DACH2: variants seen among roughly 807,000 people sequenced by gnomAD.
DACH2 encodes the protein dachshund homolog 2.
A neutral mutation model predicts 35.8 loss-of-function variants in DACH2; 17 were observed. The ratio of observed to expected loss-of-function variants is 0.48; its 90% CI spans 0.33 to 0.71. The LOEUF (loss-of-function observed/expected upper bound fraction) is 0.71. Ranked by LOEUF, DACH2 falls within the 30% of genes least tolerant of loss-of-function variation. The pLI is 0.02. For missense variants in DACH2, 469 were observed against 472.7 expected, an observed-to-expected ratio of 0.99 and a Z score of 0.07; for synonymous variants, 195 against 177.3, an observed-to-expected ratio of 1.10 and a Z score of -0.79.
intron 2 of DACH2, among the ~76,000 whole-genome samples, chrX:86,456,767 A>C (rs1387494705): frequency 9.0e-6 from 1 of 110,631 alleles, no homozygotes; most frequent in Non-Finnish European, 1.9e-5. Context: ...ATCTACTGGC[A>C]ACAATTGCCC....
intron 2 of DACH2, among the ~76,000 whole-genome samples, chrX:86,500,645 C>A (rs1168150424): frequency 2.7e-5 from 3 of 111,434 alleles, no homozygotes; most frequent in East Asian, 5.6e-4. Context: ...TGATTAATCA[C>A]CAATTTTAGA....
At chrX:86,494,777 A>G (rs2037521050) in intron 2 of DACH2, among the ~76,000 whole-genome samples, 2 of 112,346 alleles carry the variant, frequency 1.8e-5, no homozygotes, top group Admixed American at 9.4e-5. Flanking sequence ...GAAACTTAAA[A>G]ACCAAAATTA....
intron 2 of DACH2, among the ~76,000 whole-genome samples, chrX:86,479,272 G>A (rs1045214161): frequency 9.0e-6 from 1 of 110,807 alleles, no homozygotes; most frequent in Non-Finnish European, 1.9e-5. Context: ...GGGGCATGGC[G>A]GGCCAGCGTG....
At chrX:86,226,515 C>G (rs1342085593) in intron 1 of DACH2, among the ~76,000 whole-genome samples, 1 of 111,645 alleles carries the variant, frequency 9.0e-6, no homozygotes, top group Non-Finnish European at 1.9e-5. Flanking sequence ...AAATTATACT[C>G]TCTGATCTAG....
intron 3 of DACH2, among the ~76,000 whole-genome samples, chrX:86,567,422 C>A: frequency 9.0e-6 from 1 of 110,829 alleles, no homozygotes; most frequent in Non-Finnish European, 1.9e-5. Context: ...TGAAGAGTGT[C>A]TGGAGCTTGG....
At chrX:86,601,973 A>G (rs937102185) in intron 3 of DACH2, among the ~76,000 whole-genome samples, 4 of 112,332 alleles carry the variant, frequency 3.6e-5, no homozygotes, top group African/African-American at 1.3e-4. Context: ...TCACCACAAA[A>G]ATAAACATAA....
chrX:86,346,428 A>G (rs755489846), intron 1 of DACH2, among the ~76,000 whole-genome samples: 28 of 89,442 alleles, frequency 3.1e-4, no homozygotes, highest in African/African-American at 2.5e-3. Context: ...CCATGTCATT[A>G]AAAAAAATTG....
chrX:86,369,247 G>A (rs771370517), intron 1 of DACH2, among the ~76,000 whole-genome samples: 2 of 110,553 alleles, frequency 1.8e-5, no homozygotes, highest in East Asian at 2.9e-4. Flanking sequence ...AATTGGTAAG[G>A]AACATGGATT....
intron 11 of DACH2, among the ~76,000 whole-genome samples, chrX:86,820,202 A>G (rs2042496672): frequency 8.9e-6 from 1 of 111,939 alleles, no homozygotes; most frequent in Admixed American, 9.5e-5. Context: ...ATAAACCACA[A>G]AATGAGTAAC....
At chrX:86,156,684 C>G (rs986600013) in intron 1 of DACH2, among the ~76,000 whole-genome samples, 2 of 110,659 alleles carry the variant, frequency 1.8e-5, no homozygotes, top group African/African-American at 6.5e-5. Flanking sequence ...ATAAAGTGAG[C>G]CTAAGACCAT....
chrX:86,220,367 C>T (rs1204861428), intron 1 of DACH2, among the ~76,000 whole-genome samples: 2 of 110,981 alleles, frequency 1.8e-5, no homozygotes, highest in Non-Finnish European at 3.8e-5. Context: ...GGCTTTGGAA[C>T]AATTCCCCAT....
chrX:86,553,432 A>T, intron 3 of DACH2, among the ~76,000 whole-genome samples: 1 of 111,541 alleles, frequency 9.0e-6, no homozygotes, highest in East Asian at 2.9e-4. Context: ...CACCGACTCA[A>T]ATGTTAATCT....
chrX:86,554,970 G>T (rs891923167), intron 3 of DACH2, among the ~76,000 whole-genome samples: 2 of 111,610 alleles, frequency 1.8e-5, no homozygotes, highest in Non-Finnish European at 3.8e-5. Flanking sequence ...GTTGGAAAAT[G>T]AAGAAAAACA....
chrX:86,390,280 A>G (rs1376410641), intron 2 of DACH2, among the ~76,000 whole-genome samples: 2 of 112,130 alleles, frequency 1.8e-5, no homozygotes, highest in African/African-American at 3.2e-5. Flanking sequence ...TAACCTTTCA[A>G]AGAAAGTCTG....
intron 4 of DACH2, among the ~76,000 whole-genome samples, chrX:86,691,208 G>T (rs772530445): frequency 9.0e-6 from 1 of 111,533 alleles, no homozygotes; most frequent in South Asian, 3.7e-4. Context: ...TGACAAATGT[G>T]CATACTTTAG....
intron 1 of DACH2, among the ~76,000 whole-genome samples, chrX:86,284,924 G>A (rs1417991377): frequency 9.0e-6 from 1 of 111,005 alleles, no homozygotes; most frequent in East Asian, 2.8e-4. Context: ...CAATTTATTG[G>A]CATGTAGTTG....
intron 1 of DACH2, among the ~76,000 whole-genome samples, chrX:86,314,673 C>T (rs1003866533): frequency 2.7e-5 from 3 of 112,008 alleles, no homozygotes; most frequent in Admixed American, 9.5e-5. Context: ...CATCAGTGAA[C>T]GTATAGATGA....
intron 2 of DACH2, among the ~76,000 whole-genome samples, chrX:86,503,329 A>G (rs757931491): frequency 8.9e-6 from 1 of 112,056 alleles, no homozygotes; most frequent in Non-Finnish European, 1.9e-5. Flanking sequence ...ACTGATCACT[A>G]AACTGTATGG....
chrX:86,422,269 T>C (rs1442398556), intron 2 of DACH2, among the ~76,000 whole-genome samples: 3 of 111,305 alleles, frequency 2.7e-5, no homozygotes, highest in Non-Finnish European at 5.7e-5. Flanking sequence ...TTGATCTTTT[T>C]TTTCTGAATC....
Sources: gnomAD v4.1 joint callset for allele counts (sites outside exome capture counted in the v4.1 genomes callset) on GRCh38, gnomAD v4.1.1 for gene constraint, MANE v1.5 for transcripts, NCBI Gene and HGNC (gene_info 2026-07-23, HGNC 2026-07-21) for gene names.